The following DNM3 variants were observed in gnomAD, a reference collection of about 807,000 sequenced individuals.
DNM3 encodes dynamin 3, also known as dynamin-3.
DNM3 carries 47 observed loss-of-function variants against 101.6 expected under a neutral mutation model. The observed-to-expected ratio is 0.46, with a 90% CI of 0.37 to 0.59. The LOEUF is 0.59. Ranked by LOEUF, DNM3 falls within the 20% of genes least tolerant of loss-of-function variation. The probability of loss-of-function intolerance (pLI) is 0.00; values close to 1 mark genes in which losing one functional copy is unlikely to be tolerated. For synonymous variants in DNM3, 385 were observed against 387.9 expected (o/e 0.99, Z 0.09); for missense variants, 849 against 1,085.7 (o/e 0.78, Z 3.06).
chr1:171,841,964 T>G (rs1571199758), intron 1 of DNM3, 147 bp downstream of exon 1: 48 of 194,332 alleles, frequency 2.5e-4, no homozygotes, highest in South Asian at 3.3e-4. Context: ...GGGGGCAGAG[T>G]GGCGGTGTCC....
intron 14 of DNM3, among the ~76,000 whole-genome samples, chr1:172,132,357 A>G (rs2056986193): frequency 6.6e-6 from 1 of 152,190 alleles, no homozygotes. Flanking sequence ...ACTTTCTGCA[A>G]TAAGGGAAAT....
At chr1:172,262,336 G>T (rs1036109456) in intron 15 of DNM3, among the ~76,000 whole-genome samples, 2 of 152,172 alleles carry the variant, frequency 1.3e-5, no homozygotes, top group South Asian at 4.1e-4. Context: ...CTTAGCCCTG[G>T]CAATGGAGTA....
intron 14 of DNM3, among the ~76,000 whole-genome samples, chr1:172,161,650 G>A (rs2058550440): frequency 1.3e-5 from 2 of 151,964 alleles, no homozygotes; most frequent in Admixed American, 6.6e-5. Context: ...AATTGGTGGG[G>A]GCCTGAGGAG....
chr1:172,301,396 G>T (rs531094783), intron 15 of DNM3, among the ~76,000 whole-genome samples: 2 of 152,310 alleles, frequency 1.3e-5, no homozygotes, highest in South Asian at 4.2e-4. Context: ...CAGCAACATG[G>T]GAGGCTGAGG....
intron 13 of DNM3, among the ~76,000 whole-genome samples, chr1:172,108,616 C>T (rs962936466): frequency 1.3e-5 from 2 of 152,168 alleles, no homozygotes; most frequent in African/African-American, 2.4e-5. Context: ...GTCTTACTCC[C>T]AAAGTTACTA....
intron 15 of DNM3, among the ~76,000 whole-genome samples, chr1:172,256,617 G>C (rs553404759): frequency 6.6e-6 from 1 of 151,750 alleles, no homozygotes; most frequent in East Asian, 1.9e-4. Flanking sequence ...TCTTTTCAGA[G>C]AACCAGTTTG....
chr1:172,081,789 T>G lies in DNM3; in HGVS notation c.1423-43T>G, dbSNP rs202200221. ...ATTACTGAATTTAATGTTTGAGAAT[T>G]TTTAGATGGGTTTTCACTGAAGTGT... On this transcript the variant is annotated intron_variant, in intron 11 of 20. Transcript: ENST00000627582. 3.9e-6 allele frequency: 6 copies of G among 1,532,218 alleles called. No homozygotes were observed. The African/African-American group carries it at 8.2e-5, about 21-fold the overall frequency. 94.9% of individuals were successfully genotyped at this position (1,532,218 alleles called of 1,614,324 possible). A position where few individuals can be genotyped will look rare whatever the true frequency, so the allele number is the denominator to read the frequency against.
At chr1:172,010,618 T>C (rs1572071358) in intron 4 of DNM3, among the ~76,000 whole-genome samples, 1 of 141,334 alleles carries the variant, frequency 7.1e-6, no homozygotes, top group African/African-American at 2.6e-5. Flanking sequence ...TGGCTATTTT[T>C]TTTTTTTTTT....
chr1:171,900,196 C>T (rs2038180525), intron 1 of DNM3, among the ~76,000 whole-genome samples: 1 of 152,102 alleles, frequency 6.6e-6, no homozygotes, highest in African/African-American at 2.4e-5. Flanking sequence ...CAAGGAGGGA[C>T]AGATTCAAAG....
intron 4 of DNM3, among the ~76,000 whole-genome samples, chr1:171,995,085 C>T (rs1415290045): frequency 7.1e-6 from 1 of 141,138 alleles, no homozygotes; most frequent in Non-Finnish European, 1.5e-5. Context: ...GTTGTTCTTA[C>T]TGAAATCCAG....
At chr1:172,303,132 G>A (rs1038355253) in intron 15 of DNM3, among the ~76,000 whole-genome samples, 11 of 152,084 alleles carry the variant, frequency 7.2e-5, no homozygotes, top group Non-Finnish European at 1.0e-4. Context: ...TAAAAACCTT[G>A]AAACAAGGTT....
At chr1:172,091,543 A>G (rs2053908326) in intron 12 of DNM3, among the ~76,000 whole-genome samples, 1 of 152,156 alleles carries the variant, frequency 6.6e-6, no homozygotes, top group African/African-American at 2.4e-5. Context: ...GCTTGCCTGA[A>G]GGCTCTAAAT....
chr1:172,048,839 C>T, intron 10 of DNM3, 89 bp downstream of exon 10: 1 of 1,472,908 alleles, frequency 6.8e-7, no homozygotes, highest in Non-Finnish European at 9.3e-7. Context: ...CCCTGACCCT[C>T]ACTTTGTTAT....
chr1:171,973,557 TGAAA>T (rs2044163441), intron 2 of DNM3, among the ~76,000 whole-genome samples: 1 of 152,006 alleles, frequency 6.6e-6, no homozygotes, highest in Non-Finnish European at 1.5e-5. Context: ...CTGAAACCTA[TGAAA>T]GAGACACTAT....
intron 14 of DNM3, among the ~76,000 whole-genome samples, chr1:172,210,335 T>C (rs2060471141): frequency 8.6e-6 from 1 of 116,042 alleles, no homozygotes; most frequent in Non-Finnish European, 1.7e-5. Context: ...TTTTTTTTTT[T>C]TTTGCCTGTT....
intron 15 of DNM3, among the ~76,000 whole-genome samples, chr1:172,307,225 A>G (rs539360213): frequency 6.6e-6 from 1 of 152,252 alleles, no homozygotes; most frequent in Non-Finnish European, 1.5e-5. Context: ...GGCAAAGCAT[A>G]TGAACAGATA....
At chr1:172,057,050 G>A (rs1022600730) in intron 10 of DNM3, among the ~76,000 whole-genome samples, 4 of 152,120 alleles carry the variant, frequency 2.6e-5, no homozygotes, top group African/African-American at 9.7e-5. Flanking sequence ...GAAGAATTCA[G>A]AAGCCTCAGG....
At chr1:171,922,473 A>G (rs796249637) in intron 2 of DNM3, among the ~76,000 whole-genome samples, 8 of 152,212 alleles carry the variant, frequency 5.3e-5, no homozygotes, top group African/African-American at 1.9e-4. Flanking sequence ...TTGAATGCTT[A>G]AGACTGAAGC....
chr1:172,044,748 G>A (rs1028264463), intron 9 of DNM3, among the ~76,000 whole-genome samples: 7 of 152,198 alleles, frequency 4.6e-5, no homozygotes, highest in Non-Finnish European at 8.8e-5. Flanking sequence ...TTTCATGAGG[G>A]AGGCCAGACA....
Sources: gnomAD v4.1 joint callset for allele counts (sites outside exome capture counted in the v4.1 genomes callset) on GRCh38, gnomAD v4.1.1 for gene constraint, MANE v1.5 for transcripts, NCBI Gene and HGNC (gene_info 2026-07-23, HGNC 2026-07-21) for gene names.